The following VWA8 variants were observed in gnomAD, a reference collection of about 807,000 sequenced individuals.
VWA8 encodes the protein von Willebrand factor A domain-containing protein 8.
VWA8 carries 221 observed loss-of-function variants against 241.5 expected under a neutral mutation model. The observed-to-expected ratio is 0.91, with a 90% confidence interval of 0.82 to 1.02. The LOEUF is 1.02. Ranked by LOEUF, VWA8 falls within the 50% of genes least tolerant of loss-of-function variation. The pLI is 0.00. For synonymous variants in VWA8, 852 were observed against 827.1 expected (o/e 1.03, Z -0.52); for missense variants, 2,322 against 2,328.7 (o/e 1.00, Z 0.06).
intron 12 of VWA8, among the ~76,000 whole-genome samples, chr13:41,844,356 C>G (rs1411360823): frequency 1.3e-5 from 2 of 152,052 alleles, no homozygotes; most frequent in Non-Finnish European, 2.9e-5. Context: ...ATAATAAGAG[C>G]CAGCTATGAC....
At chr13:41,689,562 AT>A (rs1231862670) in intron 33 of VWA8, 54 bp from the exon 34 acceptor site, 1 of 1,430,456 alleles carries the variant, frequency 7.0e-7, no homozygotes, top group Non-Finnish European at 9.2e-7. Context: ...CCAGGAATTA[AT>A]TTTTTGCAAG....
intron 37 of VWA8, among the ~76,000 whole-genome samples, chr13:41,627,658 C>G (rs758921175): frequency 8.4e-4 from 127 of 152,044 alleles, no homozygotes; most frequent in Non-Finnish European, 1.3e-3. Flanking sequence ...AACAGTGCAC[C>G]CACTGGAACC....
chr13:41,602,197 T>G (rs534633654), intron 40 of VWA8, among the ~76,000 whole-genome samples: 1 of 152,160 alleles, frequency 6.6e-6, no homozygotes, highest in East Asian at 1.9e-4. Flanking sequence ...CCCCTATGGA[T>G]TAAAAATAGA....
At chr13:41,568,350 C>G (rs2044275863) in intron 44 of VWA8, 45 bp from the exon 45 acceptor site, 2 of 1,532,774 alleles carry the variant, frequency 1.3e-6, no homozygotes, top group Non-Finnish European at 1.8e-6. Flanking sequence ...GTAAATGGGG[C>G]TCCCTTCCAC....
rs184633039 is a variant in VWA8, at chr13:41,810,470, C to T, written c.2063+755G>A. On this transcript the variant is annotated intron_variant, in intron 17 of 44. Coordinates refer to ENST00000379310, the MANE Select transcript of VWA8 (RefSeq NM_015058.2). ...AGAATGAATGAAGTTCTGTCATTTGCAACAACATGGATGGAACTACAGCAC... is the reference window on the plus strand; with the variant it reads ...AGAATGAATGAAGTTCTGTCATTTGTAACAACATGGATGGAACTACAGCAC... 6.6e-5 allele frequency among the ~76,000 whole-genome samples: 10 copies of T among 152,168 alleles called. No individual in the cohort carries two copies. The East Asian group carries it at 1.9e-3, about 29-fold the overall frequency.
At chr13:41,819,135 A>G (rs1439653569) in intron 15 of VWA8, 83 bp downstream of exon 15, 1 of 1,402,642 alleles carries the variant, frequency 7.1e-7, no homozygotes, top group Non-Finnish European at 9.5e-7. Flanking sequence ...AAAAATGTCT[A>G]ACTCTACTTT....
At chr13:41,912,510 A>C (rs904775821) in intron 2 of VWA8, among the ~76,000 whole-genome samples, 23 of 152,170 alleles carry the variant, frequency 1.5e-4, no homozygotes, top group Admixed American at 3.9e-4. Context: ...TCCTAACGAA[A>C]TAAAAGCGAT....
chr13:41,732,486 AT>A (rs2045492718), intron 21 of VWA8, among the ~76,000 whole-genome samples: 2 of 148,214 alleles, frequency 1.3e-5, no homozygotes, highest in Admixed American at 6.8e-5. Context: ...AAACTAAAAA[AT>A]ATATATATAT....
In VWA8 at chr13:41,910,650, T is replaced by C. The variant is rs116416444; in HGVS notation, c.372+1388A>G. 1.7e-3 allele frequency among the ~76,000 whole-genome samples: 259 copies of C among 152,082 alleles called. 2 individuals are homozygous for C. The highest frequency in any genetic ancestry group is 5.7e-3 in the African/African-American group (238 of 41,470). ...GATCTGTAATTCTCAGTAGCTGACT[T>C]CGCATTCTTAGATAAGACACTTTTA... On this transcript the variant is annotated intron_variant, in intron 3 of 44. Transcript: ENST00000379310.
chr13:41,722,515 C>T (rs1324138486), intron 24 of VWA8, among the ~76,000 whole-genome samples: 4 of 152,008 alleles, frequency 2.6e-5, no homozygotes, highest in Non-Finnish European at 5.9e-5. Flanking sequence ...AAAATGAAAG[C>T]CATGATATCT....
At chr13:41,733,266 A>T (rs1352158522) in intron 21 of VWA8, among the ~76,000 whole-genome samples, 1 of 152,228 alleles carries the variant, frequency 6.6e-6, no homozygotes, top group Non-Finnish European at 1.5e-5. Context: ...ACTTAACGTC[A>T]TCAAATAACT....
chr13:41,634,689 G>T, intron 37 of VWA8, among the ~76,000 whole-genome samples: 1 of 149,432 alleles, frequency 6.7e-6, no homozygotes, highest in Non-Finnish European at 1.5e-5. Context: ...CTGCACATTC[G>T]TTTCTTCATC....
chr13:41,777,201 A>C (rs1868636757), intron 20 of VWA8, among the ~76,000 whole-genome samples: 1 of 152,196 alleles, frequency 6.6e-6, no homozygotes, highest in African/African-American at 2.4e-5. Flanking sequence ...CCCTGCTCTC[A>C]AGGGACATAT....
intron 20 of VWA8, among the ~76,000 whole-genome samples, chr13:41,763,308 AATAGATAGATAGATAGATAG>A (rs542268211): frequency 6.9e-6 from 1 of 145,774 alleles, no homozygotes. Context: ...TAAATAAATA[AATAGATAGATAGATAGATAG>A]ATAGATAGAT....
intron 18 of VWA8, 42 bp downstream of exon 18, chr13:41,787,395 T>G: frequency 6.9e-7 from 1 of 1,446,246 alleles, no homozygotes; most frequent in Non-Finnish European, 9.7e-7. Context: ...TGTTTGTTAA[T>G]TATTATTTCA....
At chr13:41,668,792 T>G (rs1025591307) in intron 37 of VWA8, among the ~76,000 whole-genome samples, 1 of 152,194 alleles carries the variant, frequency 6.6e-6, no homozygotes, top group African/African-American at 2.4e-5. Flanking sequence ...AGACTCATGT[T>G]TGAGTATGTA....
chr13:41,638,840 A>T (rs9594603), intron 37 of VWA8, among the ~76,000 whole-genome samples: 5,040 of 152,264 alleles, frequency 0.033, 281 homozygotes, highest in African/African-American at 0.11. Context: ...GCATGTTTAA[A>T]TGCTGATGGG....
chr13:41,624,242 G>A (rs2044674689), intron 37 of VWA8, among the ~76,000 whole-genome samples: 1 of 152,158 alleles, frequency 6.6e-6, no homozygotes, highest in South Asian at 2.1e-4. Flanking sequence ...TCTGCCAAAT[G>A]TGTAAAGAAG....
intron 37 of VWA8, among the ~76,000 whole-genome samples, chr13:41,665,720 TA>T (rs1376419421): frequency 6.6e-6 from 1 of 152,126 alleles, no homozygotes; most frequent in Non-Finnish European, 1.5e-5. Flanking sequence ...TTGTTTTCTT[TA>T]TACTTTAATA....
Sources: allele counts gnomAD v4.1 joint callset (sites outside exome capture counted in the v4.1 genomes callset), GRCh38; gene constraint gnomAD v4.1.1; transcripts MANE v1.5; gene names NCBI Gene and HGNC (gene_info 2026-07-23, HGNC 2026-07-21).